The following FUT8 variants were observed in gnomAD, a reference collection of about 807,000 sequenced individuals.
The protein encoded by FUT8 is alpha-(1,6)-fucosyltransferase.
Under a neutral mutation model 71.3 loss-of-function variants are expected in FUT8, and 29 were observed. That is an observed-to-expected ratio of 0.41 (90% CI 0.30 to 0.55). The LOEUF is 0.55. FUT8 is among the 20% of genes least tolerant of loss of function. The pLI is 0.34. For missense variants in FUT8, 544 were observed against 702.1 expected (o/e 0.77, Z 2.55); for synonymous variants, 254 against 239.3 (o/e 1.06, Z -0.57).
Position 65,660,810 on chromosome 14 carries a change from A to G in FUT8, c.598-8433A>G, listed in dbSNP as rs1891923119. On this transcript the variant is annotated intron_variant, in intron 6 of 10. Coordinates refer to ENST00000673929, the MANE Select transcript of FUT8 (RefSeq NM_001371533.1). The surrounding 1 kb of genome is among the most constrained non-coding windows in gnomAD (Gnocchi z 4.1). Reference sequence around the variant, plus strand: ...TGGTTATTAACTGAGTCTTCATTTTAATTACCACAATGGAGTACTTCAGTT... The same window carrying G: ...TGGTTATTAACTGAGTCTTCATTTTGATTACCACAATGGAGTACTTCAGTT... Among the ~76,000 whole-genome samples the G allele has an allele frequency of 6.6e-6, 1 of 152,140 alleles. No homozygotes were observed. The highest frequency in any genetic ancestry group is 6.5e-5 in the Admixed American group (1 of 15,276).
chr14:65,372,503 C>T, the FUT8 span, among the ~76,000 whole-genome samples: 1 of 151,850 alleles, frequency 6.6e-6, no homozygotes, highest in Non-Finnish European at 1.5e-5. Flanking sequence ...GCAACCTCTG[C>T]CTCCCGGGTT....
At chr14:65,591,727 A>G (rs1415361771) in intron 3 of FUT8, among the ~76,000 whole-genome samples, 1 of 152,058 alleles carries the variant, frequency 6.6e-6, no homozygotes, top group Non-Finnish European at 1.5e-5. Flanking sequence ...AGAATGCTTT[A>G]TGAAGGAGCT....
intron 3 of FUT8, among the ~76,000 whole-genome samples, chr14:65,608,179 A>C (rs77725319): frequency 0.021 from 3,257 of 151,936 alleles, 94 homozygotes; most frequent in Non-Finnish European, 0.036. Context: ...TTCCTCTAGA[A>C]AGTATGTTTT....
chr14:65,565,231 G>A (rs1039791827), intron 3 of FUT8, among the ~76,000 whole-genome samples: 1 of 151,922 alleles, frequency 6.6e-6, no homozygotes, highest in Non-Finnish European at 1.5e-5. Context: ...ATCTCTGAAG[G>A]AGGAGCATTA....
intron 9 of FUT8, among the ~76,000 whole-genome samples, chr14:65,732,073 GT>G (rs1268866195): frequency 1.3e-5 from 2 of 152,134 alleles, no homozygotes; most frequent in African/African-American, 2.4e-5. Context: ...ATTTCTGGTT[GT>G]TTTCTTTTCC....
chr14:65,593,422 T>C (rs1887794919), intron 3 of FUT8, among the ~76,000 whole-genome samples: 1 of 152,234 alleles, frequency 6.6e-6, no homozygotes, highest in Admixed American at 6.5e-5. Flanking sequence ...TCAAAATTTG[T>C]CATGAACATT....
At chr14:65,617,664 G>T (rs1219776235) in intron 5 of FUT8, among the ~76,000 whole-genome samples, 1 of 152,132 alleles carries the variant, frequency 6.6e-6, no homozygotes, top group South Asian at 2.1e-4. Context: ...GAGTAATTGG[G>T]CTGGGCGTGG....
chr14:65,705,079 T>C (rs926132747), intron 7 of FUT8, among the ~76,000 whole-genome samples: 1 of 152,204 alleles, frequency 6.6e-6, no homozygotes, highest in African/African-American at 2.4e-5. Flanking sequence ...ATGATTCAAT[T>C]TAGAACTTTT....
chr14:65,601,533 T>C (rs1450552621), intron 3 of FUT8, among the ~76,000 whole-genome samples: 1 of 152,192 alleles, frequency 6.6e-6, no homozygotes, highest in Non-Finnish European at 1.5e-5. Context: ...TTACAGATTT[T>C]CTTTATAGAT....
At chr14:65,429,082 A>G (rs2065430392) in intron 1 of FUT8, among the ~76,000 whole-genome samples, 1 of 152,234 alleles carries the variant, frequency 6.6e-6, no homozygotes, top group Non-Finnish European at 1.5e-5. Flanking sequence ...TAACAGGAGT[A>G]GACAATTGAC....
Position 65,742,095 on chromosome 14 carries a change from C to T in FUT8, c.1413C>T (p.Val471=). Residue 471 remains valine (V), a splice_region_variant and synonymous_variant, in exon 11 of 11, where the codon GTC becomes GTT. Transcript: ENST00000673929. The part of the protein sequence containing the change: ...DFLVCTFSSQ[V]CRVAYEIMQT... ...TTTCTTTTAAATTCTTTCCCAAGGT[C>T]TGTCGAGTTGCTTATGAAATTATGC... 3 of 1,609,510 alleles carry T rather than the reference C, an allele frequency of 1.9e-6. No homozygotes were observed. The highest frequency in any genetic ancestry group is 1.7e-6 in the Non-Finnish European group (2 of 1,176,792).
At chr14:65,734,496 A>G (rs963817082) in intron 10 of FUT8, among the ~76,000 whole-genome samples, 2 of 152,214 alleles carry the variant, frequency 1.3e-5, no homozygotes, top group African/African-American at 4.8e-5. Flanking sequence ...CAGAACACGT[A>G]GCAGCAATCT....
At chr14:65,729,868 GT>G (rs1895885535) in intron 9 of FUT8, among the ~76,000 whole-genome samples, 1 of 152,058 alleles carries the variant, frequency 6.6e-6, no homozygotes, top group Non-Finnish European at 1.5e-5. Flanking sequence ...TCCATATTCT[GT>G]TATAAATATA....
At chr14:65,697,575 C>A (rs1429320748) in intron 7 of FUT8, among the ~76,000 whole-genome samples, 2 of 152,280 alleles carry the variant, frequency 1.3e-5, no homozygotes, top group East Asian at 1.9e-4. Context: ...CGTGAAAATT[C>A]TCTGGAACTG....
intron 3 of FUT8, among the ~76,000 whole-genome samples, chr14:65,614,930 T>TCA (rs1889205275): frequency 6.6e-6 from 1 of 152,126 alleles, no homozygotes; most frequent in Admixed American, 6.6e-5. Flanking sequence ...CTGCCATAAG[T>TCA]CACATAAAAA....
intron 7 of FUT8, among the ~76,000 whole-genome samples, chr14:65,693,100 G>A (rs1294812739): frequency 2.0e-5 from 3 of 150,972 alleles, no homozygotes; most frequent in Admixed American, 1.3e-4. Flanking sequence ...CTTCCCAGAC[G>A]GGGTGGCGGC....
intron 7 of FUT8, among the ~76,000 whole-genome samples, chr14:65,700,196 C>T (rs1452663300): frequency 6.6e-6 from 1 of 152,136 alleles, no homozygotes; most frequent in Non-Finnish European, 1.5e-5. Flanking sequence ...CAGTGATTCT[C>T]AGTGACTTTG....
chr14:65,492,182 TA>T (rs1454563146), intron 2 of FUT8, among the ~76,000 whole-genome samples: 4 of 152,196 alleles, frequency 2.6e-5, no homozygotes, highest in Admixed American at 6.5e-5. Context: ...AGGTAAGTAA[TA>T]TTTTTTTCAT....
intron 9 of FUT8, among the ~76,000 whole-genome samples, chr14:65,732,864 A>G (rs1337818274): frequency 6.6e-6 from 1 of 152,214 alleles, no homozygotes; most frequent in Non-Finnish European, 1.5e-5. Context: ...TTATCACAGT[A>G]TTTGTATTCT....
Sources: allele counts gnomAD v4.1 joint callset (sites outside exome capture counted in the v4.1 genomes callset), GRCh38; gene constraint gnomAD v4.1.1; non-coding constraint Gnocchi (gnomAD v3.1); transcripts MANE v1.5; gene names NCBI Gene and HGNC (gene_info 2026-07-23, HGNC 2026-07-21).